The following PAX5 variants were observed in gnomAD, a reference collection of about 807,000 sequenced individuals.
PAX5 encodes paired box 5.
In PAX5, 9 loss-of-function variants were observed where a neutral mutation model predicts 43.7. That is an observed-to-expected ratio of 0.21 (90% CI 0.12 to 0.36). The LOEUF is 0.36. Ranked by LOEUF, PAX5 falls within the 10% of genes least tolerant of loss-of-function variation. The probability of loss-of-function intolerance (pLI) is 1.00; values close to 1 mark genes in which losing one functional copy is unlikely to be tolerated. For missense variants in PAX5, 383 were observed against 532.7 expected, an observed-to-expected ratio of 0.72 and a Z score of 2.77; for synonymous variants, 228 against 214.3, an observed-to-expected ratio of 1.06 and a Z score of -0.56.
chr9:36,888,566 T>C (rs1464332976), intron 7 of PAX5, among the ~76,000 whole-genome samples: 1 of 152,136 alleles, frequency 6.6e-6, no homozygotes, highest in East Asian at 1.9e-4. Context: ...ATGTCCAAGA[T>C]AGGCAAATCT....
chr9:36,921,194 C>G (rs981804902), intron 7 of PAX5, among the ~76,000 whole-genome samples: 7 of 152,184 alleles, frequency 4.6e-5, no homozygotes, highest in Admixed American at 3.3e-4. Context: ...TTGCAGTATC[C>G]TGGAACCAAA....
chr9:36,915,236 C>T (rs1829640439), intron 7 of PAX5, among the ~76,000 whole-genome samples: 2 of 152,102 alleles, frequency 1.3e-5, no homozygotes, highest in South Asian at 4.1e-4. Flanking sequence ...TTTGATAGAT[C>T]CCATTCCAGT....
chr9:36,945,262 G>T lies in PAX5; in HGVS notation c.780+21287C>A, dbSNP rs146803275. 1.4e-3 allele frequency among the ~76,000 whole-genome samples: 211 copies of T among 151,922 alleles called. 4 individuals are homozygous for T. In the East Asian group the frequency reaches 0.036, roughly 26 times the overall value. On this transcript the variant is annotated intron_variant, in intron 6 of 9. Transcript: ENST00000358127. ...TTTTTTGTTTGTTTGTTTGAAACAG[G>T]GTCTCACACTCTCACCCAGGGAGGG...
chr9:36,977,923 A>G (rs760521536), intron 5 of PAX5, among the ~76,000 whole-genome samples: 3 of 152,250 alleles, frequency 2.0e-5, no homozygotes, highest in Non-Finnish European at 4.4e-5. Context: ...GAACGGCTAT[A>G]ATTCAGCATG....
chr9:36,949,180 C>G (rs1336957309), intron 6 of PAX5, among the ~76,000 whole-genome samples: 1 of 152,060 alleles, frequency 6.6e-6, no homozygotes. Flanking sequence ...CCTGCCTCAG[C>G]CTCCCAAGCA....
At chr9:36,909,409 C>A (rs944446713) in intron 7 of PAX5, among the ~76,000 whole-genome samples, 8 of 152,190 alleles carry the variant, frequency 5.3e-5, no homozygotes, top group African/African-American at 1.9e-4. Flanking sequence ...CCCTTCCCAG[C>A]GGGTGGTTTG....
intron 6 of PAX5, among the ~76,000 whole-genome samples, chr9:36,934,912 T>G (rs138089067): frequency 6.6e-6 from 1 of 152,208 alleles, no homozygotes; most frequent in Admixed American, 6.5e-5. Flanking sequence ...TCAAATGAAC[T>G]TGGACAGGTA....
chr9:36,965,661 C>T (rs7044639), intron 6 of PAX5, among the ~76,000 whole-genome samples: 151,745 of 152,304 alleles, frequency 1, 75,595 homozygotes, highest in South Asian at 1. Flanking sequence ...GGAAACTCAG[C>T]GCAGCCAGTT....
chr9:37,020,622 G>A lies in PAX5; in HGVS notation c.212+14C>T, dbSNP rs1327532027. On this transcript the variant is annotated intron_variant, in intron 2 of 9. Transcript: ENST00000358127. ...TTTGAAAGATCAAGGGAAGCCTCGA[G>A]CTACTGCCTTTACCTGCCAAGAATT... 6.2e-7 allele frequency: 1 copy of A among 1,613,736 alleles called. No individual in the cohort carries two copies. Among genetic ancestry groups the A allele is most frequent in the Non-Finnish European group, 8.5e-7 (1 of 1,179,614 alleles).
At chr9:36,896,075 G>A (rs1827836961) in intron 7 of PAX5, among the ~76,000 whole-genome samples, 1 of 152,168 alleles carries the variant, frequency 6.6e-6, no homozygotes, top group Admixed American at 6.5e-5. Context: ...CCCACCAGAG[G>A]GAGATCAGCT....
intron 7 of PAX5, chr9:36,893,374 C>G (rs1417933157): frequency 6.6e-6 from 1 of 152,272 alleles, no homozygotes. Context: ...GCATCCAGAC[C>G]TCTGTGGTGG....
intron 6 of PAX5, chr9:36,930,974 CAG>C (rs1248155754): frequency 1.6e-6 from 1 of 625,824 alleles, no homozygotes; most frequent in Non-Finnish European, 2.7e-6. Context: ...AAAAGAAACA[CAG>C]ACACGTGAGA....
chr9:36,945,918 G>A (rs572626625), intron 6 of PAX5, among the ~76,000 whole-genome samples: 1 of 152,336 alleles, frequency 6.6e-6, no homozygotes, highest in East Asian at 1.9e-4. Context: ...ATCAGTGCCT[G>A]GCACATCATT....
intron 6 of PAX5, among the ~76,000 whole-genome samples, chr9:36,940,819 A>T (rs1020189317): frequency 6.6e-5 from 10 of 152,168 alleles, no homozygotes; most frequent in African/African-American, 2.4e-4. Context: ...TTCTCTGCTG[A>T]ATCTCCAGGT....
At chr9:36,941,368 G>A (rs1832031807) in intron 6 of PAX5, among the ~76,000 whole-genome samples, 1 of 152,200 alleles carries the variant, frequency 6.6e-6, no homozygotes, top group South Asian at 2.1e-4. Context: ...TATTCCTCAG[G>A]AAGCAGCAGA....
intron 8 of PAX5, among the ~76,000 whole-genome samples, chr9:36,875,363 C>T (rs1218422802): frequency 1.3e-5 from 2 of 152,240 alleles, no homozygotes; most frequent in Admixed American, 6.5e-5. Flanking sequence ...CAGACATAGC[C>T]TTGATTATTG....
At chr9:37,032,735 G>A (rs1215429073) in intron 1 of PAX5, among the ~76,000 whole-genome samples, 1 of 152,212 alleles carries the variant, frequency 6.6e-6, no homozygotes, top group Non-Finnish European at 1.5e-5. Flanking sequence ...TTACACAGTG[G>A]CCTAGTGAGT....
intron 8 of PAX5, among the ~76,000 whole-genome samples, chr9:36,855,901 C>T (rs1563896092): frequency 6.6e-6 from 1 of 152,224 alleles, no homozygotes; most frequent in African/African-American, 2.4e-5. Flanking sequence ...CAAATACCAC[C>T]TCCTCCAGGA....
intron 6 of PAX5, among the ~76,000 whole-genome samples, chr9:36,946,716 G>T (rs150690204): frequency 1.3e-5 from 2 of 152,152 alleles, no homozygotes; most frequent in Non-Finnish European, 2.9e-5. Flanking sequence ...GACACTTTGC[G>T]GTTTAAGTCC....
Sources: gnomAD v4.1 joint callset for allele counts (sites outside exome capture counted in the v4.1 genomes callset) on GRCh38, gnomAD v4.1.1 for gene constraint, MANE v1.5 for transcripts, NCBI Gene and HGNC (gene_info 2026-07-23, HGNC 2026-07-21) for gene names.